The following LRBA variants were observed in gnomAD, a reference collection of about 807,000 sequenced individuals.
LRBA encodes the protein lipopolysaccharide-responsive and beige-like anchor protein.
Under a neutral mutation model 330.0 loss-of-function variants are expected in LRBA, and 176 were observed. The observed-to-expected ratio is 0.53, with a 90% confidence interval of 0.47 to 0.60. The LOEUF (loss-of-function observed/expected upper bound fraction) is 0.60. Among genes scored for constraint, LRBA ranks in the 20% least tolerant of loss-of-function variants. The pLI is 0.00. For synonymous variants in LRBA, 1,230 were observed against 1,193.0 expected (o/e 1.03, Z -0.64); for missense variants, 3,259 against 3,444.8 (o/e 0.95, Z 1.35).
chr4:150,811,420 GCT>G (rs1247390579), intron 31 of LRBA, among the ~76,000 whole-genome samples: 1 of 92,016 alleles, frequency 1.1e-5, no homozygotes, highest in Admixed American at 1.3e-4. Flanking sequence ...TATGCATGAG[GCT>G]TTAGGAAAAA....
intron 47 of LRBA, among the ~76,000 whole-genome samples, chr4:150,391,376 T>C (rs549563165): frequency 3.3e-5 from 5 of 152,338 alleles, no homozygotes; most frequent in Admixed American, 2.0e-4. Flanking sequence ...GTATGAAAGA[T>C]GTAAACCTTA....
In LRBA at chr4:150,415,600, A is replaced by G; in HGVS notation, c.7042-10T>C. On this transcript the variant is annotated splice_polypyrimidine_tract_variant and intron_variant, in intron 46 of 56. Coordinates refer to ENST00000651943, the MANE Select transcript of LRBA (RefSeq NM_001364905.1). ...ATTCAGGGATCAACTCCTATATAAA[A>G]ATAAAAGACAATGTGATATTATAAA... The G allele has an allele frequency of 1.4e-6, 2 of 1,478,134 alleles. No homozygotes were observed. Among genetic ancestry groups the G allele is most frequent in the East Asian group, 4.5e-5 (2 of 44,226 alleles). 91.6% of individuals were successfully genotyped at this position (1,478,134 alleles called of 1,614,324 possible).
intron 47 of LRBA, among the ~76,000 whole-genome samples, chr4:150,371,181 A>ATTTTTTTTTTTTTTTTTT (rs1274384749): frequency 7.3e-6 from 1 of 136,752 alleles, no homozygotes; most frequent in African/African-American, 3.2e-5. Flanking sequence ...CAAGCTACTA[A>ATTTTTTTTTTTTTTTTTT]ATTTTTTTTT....
At chr4:150,987,147 C>G (rs1385216335) in intron 2 of LRBA, among the ~76,000 whole-genome samples, 1 of 152,102 alleles carries the variant, frequency 6.6e-6, no homozygotes, top group Non-Finnish European at 1.5e-5. Flanking sequence ...GCATTTCCAG[C>G]TAGAAATAAG....
chr4:150,787,980 TG>T (rs1396669181), intron 34 of LRBA, among the ~76,000 whole-genome samples: 1 of 152,252 alleles, frequency 6.6e-6, no homozygotes, highest in Non-Finnish European at 1.5e-5. Flanking sequence ...CTGGATCATA[TG>T]GTAGCTGTAT....
intron 17 of LRBA, among the ~76,000 whole-genome samples, chr4:150,881,526 A>G (rs1728379020): frequency 6.6e-6 from 1 of 152,150 alleles, no homozygotes; most frequent in African/African-American, 2.4e-5. Flanking sequence ...GAAGGAGAGA[A>G]GGAAGGGGGA....
At chr4:150,561,894 T>C (rs1217996952) in intron 40 of LRBA, among the ~76,000 whole-genome samples, 1 of 152,182 alleles carries the variant, frequency 6.6e-6, no homozygotes, top group Non-Finnish European at 1.5e-5. Context: ...TACCAATCCC[T>C]ACCTCCAAGC....
intron 42 of LRBA, among the ~76,000 whole-genome samples, chr4:150,486,960 C>A (rs1757950950): frequency 6.6e-6 from 1 of 151,804 alleles, no homozygotes; most frequent in Admixed American, 6.6e-5. Flanking sequence ...TTGTAGATAA[C>A]AAGATTTCCT....
At chr4:150,759,071 T>A (rs551785833) in intron 35 of LRBA, among the ~76,000 whole-genome samples, 1 of 152,080 alleles carries the variant, frequency 6.6e-6, no homozygotes, top group East Asian at 1.9e-4. Flanking sequence ...CACCTGCCAC[T>A]ATACCAGGCT....
At chr4:150,810,868 C>T (rs569044301) in intron 31 of LRBA, among the ~76,000 whole-genome samples, 5 of 152,288 alleles carry the variant, frequency 3.3e-5, no homozygotes, top group African/African-American at 9.6e-5. Context: ...TCCCAAAGTG[C>T]GAGGGTTATA....
chr4:150,852,555 G>T lies in LRBA; in HGVS notation c.3155C>A (p.Ser1052Tyr). ...AATAGCCACAGCTTCTATTATGTCAGAAGATACTTCTAAATCATCTGCATT... is the reference window on the plus strand; with the variant it reads ...AATAGCCACAGCTTCTATTATGTCATAAGATACTTCTAAATCATCTGCATT... Reference protein sequence around the residue: ...TRNADDLEVSSDIIEAVAISS... With the variant: ...TRNADDLEVSYDIIEAVAISS... The change falls in exon 23 of 57, where the codon TCT (serine) becomes TAT (tyrosine). Residue 1052 changes from serine (S) to tyrosine (Y), a missense_variant. Physicochemically the swap from Ser to Tyr is moderately radical, Grantham distance 144. Transcript: ENST00000651943. 1 of 1,613,874 alleles carries T rather than the reference G, an allele frequency of 6.2e-7. No individual in the cohort carries two copies. Among genetic ancestry groups the T allele is most frequent in the Non-Finnish European group, 8.5e-7 (1 of 1,179,990 alleles).
chr4:150,336,063 T>G (rs1223205424), intron 48 of LRBA, among the ~76,000 whole-genome samples: 1 of 152,212 alleles, frequency 6.6e-6, no homozygotes, highest in African/African-American at 2.4e-5. Context: ...AATACATATA[T>G]TTTTAACTTT....
intron 53 of LRBA, among the ~76,000 whole-genome samples, chr4:150,289,639 T>G (rs1477909884): frequency 6.6e-6 from 1 of 152,176 alleles, no homozygotes; most frequent in Non-Finnish European, 1.5e-5. Flanking sequence ...TAAGGAGAGA[T>G]ATGTCATTTC....
intron 37 of LRBA, among the ~76,000 whole-genome samples, chr4:150,676,316 T>C (rs756022278): frequency 6.6e-6 from 1 of 152,228 alleles, no homozygotes; most frequent in Non-Finnish European, 1.5e-5. Context: ...ATTATAATCA[T>C]TGCTTTTTAA....
At chr4:150,419,141 G>GT (rs981105514) in intron 46 of LRBA, among the ~76,000 whole-genome samples, 20 of 152,240 alleles carry the variant, frequency 1.3e-4, no homozygotes, top group Admixed American at 9.8e-4. Context: ...GGTAAATGGA[G>GT]TAAGTACAGG....
Position 150,590,703 on chromosome 4 carries a change from C to T in LRBA, c.6193+10G>A. ...GGTAGCTGAAATATCTGCACAACCA[C>T]CAAATTTACCGGCAAGATTCTCTAA... is the stretch of plus-strand genomic sequence containing the variant. On this transcript the variant is annotated intron_variant, in intron 39 of 56. Coordinates refer to ENST00000651943, the MANE Select transcript of LRBA (RefSeq NM_001364905.1). 1 of 1,612,508 alleles carries T rather than the reference C, an allele frequency of 6.2e-7. No homozygotes were observed. The highest frequency in any genetic ancestry group is 8.5e-7 in the Non-Finnish European group (1 of 1,179,350).
intron 30 of LRBA, 62 bp downstream of exon 30, chr4:150,828,117 AC>A (rs1452001305): frequency 6.7e-7 from 1 of 1,484,704 alleles, no homozygotes; most frequent in Non-Finnish European, 9.2e-7. Flanking sequence ...ATCATCCCTA[AC>A]CCCCATGTTG....
At chr4:150,891,139 C>T (rs548771686) in intron 17 of LRBA, among the ~76,000 whole-genome samples, 20 of 152,206 alleles carry the variant, frequency 1.3e-4, no homozygotes, top group African/African-American at 4.1e-4. Context: ...TATTTATAAG[C>T]CTCGTTTGTT....
chr4:150,747,269 C>T (rs1367256959), intron 35 of LRBA, among the ~76,000 whole-genome samples: 1 of 152,124 alleles, frequency 6.6e-6, no homozygotes, highest in Non-Finnish European at 1.5e-5. Flanking sequence ...TCTGATCCCA[C>T]ACCTGCTTTC....
Sources: gnomAD v4.1 joint callset for allele counts (sites outside exome capture counted in the v4.1 genomes callset) on GRCh38, gnomAD v4.1.1 for gene constraint, MANE v1.5 for transcripts, NCBI Gene and HGNC (gene_info 2026-07-23, HGNC 2026-07-21) for gene names.